The following NBEAL1 variants were observed in gnomAD, a reference collection of about 807,000 sequenced individuals.
NBEAL1 encodes neurobeachin-like protein 1.
NBEAL1 carries 273 observed loss-of-function variants against 351.3 expected under a neutral mutation model. That is an observed-to-expected ratio of 0.78 (90% CI 0.70 to 0.86). The LOEUF is 0.86. NBEAL1 is among the 40% of genes least tolerant of loss of function. The pLI is 0.00. For missense variants in NBEAL1, 2,961 were observed against 3,201.3 expected, an observed-to-expected ratio of 0.92 and a Z score of 1.81; for synonymous variants, 1,050 against 1,086.4, an observed-to-expected ratio of 0.97 and a Z score of 0.66.
chr2:203,071,500 G>A (rs2061681680), intron 7 of NBEAL1, among the ~76,000 whole-genome samples: 1 of 151,908 alleles, frequency 6.6e-6, no homozygotes. Context: ...TAATTTTGGG[G>A]GTATACAGTT....
At chr2:203,095,140 A>C (rs1480824643) in intron 10 of NBEAL1, among the ~76,000 whole-genome samples, 7 of 152,104 alleles carry the variant, frequency 4.6e-5, no homozygotes, top group Non-Finnish European at 7.4e-5. Context: ...AAGAAGAGAA[A>C]AGCAAAGAAG....
rs758594589 is a variant in NBEAL1 at position 203,135,785 on chromosome 2, G to A, written c.3922G>A (p.Gly1308Arg). Residue 1308 changes from glycine (G) to arginine (R), a missense_variant, in exon 28 of 56, where the codon GGA (glycine) becomes AGA (arginine). Transcript: ENST00000683969. ...TTTTTTAAAAGCAAAATTTGAAAAC[G>A]GAAATACTCTTCATAAGCACAGTAG... is the stretch of plus-strand genomic sequence containing the variant. ...RLFLKAKFEN[G>R]NTLHKHSRAV... 6.8e-6 allele frequency: 11 copies of A among 1,610,862 alleles called. No homozygotes were observed. Among genetic ancestry groups the A allele is most frequent in the Admixed American group, 6.7e-5 (4 of 59,508 alleles).
intron 2 of NBEAL1, among the ~76,000 whole-genome samples, chr2:203,020,792 AG>A (rs1311894010): frequency 6.6e-6 from 1 of 152,232 alleles, no homozygotes; most frequent in East Asian, 1.9e-4. Flanking sequence ...AGCTCTTATA[AG>A]TTAAACATTA....
chr2:203,096,887 C>T (rs184375258), intron 10 of NBEAL1, among the ~76,000 whole-genome samples: 9 of 152,272 alleles, frequency 5.9e-5, no homozygotes, highest in South Asian at 2.1e-4. Flanking sequence ...TTACGTACTA[C>T]GGTATCTTTG....
chr2:203,080,336 C>T (rs1022395202), intron 8 of NBEAL1, among the ~76,000 whole-genome samples: 1 of 152,008 alleles, frequency 6.6e-6, no homozygotes, highest in Admixed American at 6.6e-5. Flanking sequence ...GGCGTGAACC[C>T]GGGAGGCGGA....
At chr2:203,076,177 T>A (rs2061768122) in intron 7 of NBEAL1, among the ~76,000 whole-genome samples, 1 of 152,102 alleles carries the variant, frequency 6.6e-6, no homozygotes, top group South Asian at 2.1e-4. Flanking sequence ...GGCAGGTGTA[T>A]CTGTTAAGAT....
At chr2:203,100,076 A>G (rs1266780434) in intron 12 of NBEAL1, among the ~76,000 whole-genome samples, 1 of 152,086 alleles carries the variant, frequency 6.6e-6, no homozygotes, top group South Asian at 2.1e-4. Flanking sequence ...GGATATGAGG[A>G]TATGATCTCC....
chr2:203,124,086 C>T (rs1190895477), intron 19 of NBEAL1, among the ~76,000 whole-genome samples: 1 of 152,144 alleles, frequency 6.6e-6, no homozygotes, highest in Non-Finnish European at 1.5e-5. Context: ...CCTGTAATCC[C>T]AGTACTTTGG....
intron 8 of NBEAL1, among the ~76,000 whole-genome samples, chr2:203,079,905 T>C (rs2061842852): frequency 6.6e-6 from 1 of 152,214 alleles, no homozygotes; most frequent in South Asian, 2.1e-4. Context: ...AGGGAACTTT[T>C]AATCTTCTAG....
In NBEAL1 at chr2:203,135,930, A is replaced by T. The variant is rs2063193634; in HGVS notation, c.4067A>T (p.Asp1356Val). 1 of 1,614,088 alleles carries T rather than the reference A, an allele frequency of 6.2e-7. No homozygotes were observed. The highest frequency in any genetic ancestry group is 1.7e-5 in the Admixed American group (1 of 60,010). The change falls in exon 28 of 56, where the codon GAT (aspartate) becomes GTT (valine). Residue 1356 changes from aspartate to valine, a missense_variant. By Grantham distance (152) the Asp-to-Val change is radical (BLOSUM62 -3). Coordinates refer to ENST00000683969, the MANE Select transcript of NBEAL1 (RefSeq NM_001378026.1). ...TSFASANVSS[D>V]QWSLEDRHSL... ...TTTGCCTCAGCTAATGTGTCTTCGG[A>T]TCAGTGGAGTTTGGAGGATAGACAC...
chr2:203,023,325 G>T (rs941221113), intron 2 of NBEAL1, among the ~76,000 whole-genome samples: 7 of 152,104 alleles, frequency 4.6e-5, no homozygotes, highest in Non-Finnish European at 1.0e-4. Flanking sequence ...AATGTTCTTT[G>T]ACTCTAAAGA....
At chr2:203,156,878 A>C (rs1193377489) in intron 35 of NBEAL1, among the ~76,000 whole-genome samples, 1 of 152,180 alleles carries the variant, frequency 6.6e-6, no homozygotes, top group Non-Finnish European at 1.5e-5. Flanking sequence ...AATCCTATAA[A>C]TTATGCATAT....
chr2:203,099,940 T>C (rs1425290748), intron 12 of NBEAL1, among the ~76,000 whole-genome samples: 1 of 152,154 alleles, frequency 6.6e-6, no homozygotes, highest in East Asian at 1.9e-4. Flanking sequence ...TGTTCCTTTC[T>C]TTGTGTCCAT....
intron 10 of NBEAL1, among the ~76,000 whole-genome samples, chr2:203,090,160 A>C (rs2062037126): frequency 1.3e-5 from 2 of 152,288 alleles, no homozygotes; most frequent in South Asian, 4.1e-4. Context: ...GTAATTATTC[A>C]CCTTATAAGT....
chr2:203,116,429 C>G (rs2062699121), intron 18 of NBEAL1, among the ~76,000 whole-genome samples: 4 of 151,636 alleles, frequency 2.6e-5, no homozygotes, highest in African/African-American at 9.7e-5. Context: ...TGTGATGTAG[C>G]CAAAAATTTT....
intron 2 of NBEAL1, among the ~76,000 whole-genome samples, chr2:203,019,934 TA>T (rs1304747538): frequency 6.6e-6 from 1 of 152,218 alleles, no homozygotes; most frequent in African/African-American, 2.4e-5. Flanking sequence ...GGAGTCCCAA[TA>T]TTTGAAAGAA....
chr2:203,143,209 A>G (rs940153975), intron 31 of NBEAL1, among the ~76,000 whole-genome samples: 3 of 152,192 alleles, frequency 2.0e-5, no homozygotes, highest in Non-Finnish European at 2.9e-5. Flanking sequence ...TAGCCAAGGA[A>G]AAAGGAAACC....
At chr2:203,052,136 G>C (rs970766376) in intron 4 of NBEAL1, 1 of 151,854 alleles carries the variant, frequency 6.6e-6, no homozygotes, top group African/African-American at 2.4e-5. Flanking sequence ...CATCATTATA[G>C]GATCATATAG....
At chr2:203,137,334 A>G (rs2063239259) in intron 29 of NBEAL1, among the ~76,000 whole-genome samples, 1 of 152,208 alleles carries the variant, frequency 6.6e-6, no homozygotes, top group Non-Finnish European at 1.5e-5. Flanking sequence ...AAATATCATT[A>G]GTGTATTTTA....
Sources: allele counts gnomAD v4.1 joint callset (sites outside exome capture counted in the v4.1 genomes callset), GRCh38; gene constraint gnomAD v4.1.1; transcripts MANE v1.5; gene names NCBI Gene and HGNC (gene_info 2026-07-23, HGNC 2026-07-21).